Variants in ADCK1 observed in about 807,000 individuals in gnomAD.
The protein encoded by ADCK1 is aarF domain containing kinase 1.
In ADCK1, 41 loss-of-function variants were observed where a neutral mutation model predicts 52.3. That is an observed-to-expected ratio of 0.78 (90% CI 0.61 to 1.02). The LOEUF is 1.02. Among genes scored for constraint, ADCK1 ranks in the 50% least tolerant of loss-of-function variants. ADCK1 has a pLI of 0.00. For synonymous variants in ADCK1, 250 were observed against 274.6 expected, an observed-to-expected ratio of 0.91 and a Z score of 0.89; for missense variants, 658 against 679.5, an observed-to-expected ratio of 0.97 and a Z score of 0.35.
chr14:77,823,154 G>A (rs763843510), intron 3 of ADCK1, among the ~76,000 whole-genome samples: 2 of 152,066 alleles, frequency 1.3e-5, no homozygotes, highest in Admixed American at 6.6e-5. Flanking sequence ...TAGATATCCC[G>A]GAGACTTGGG....
intron 2 of ADCK1, among the ~76,000 whole-genome samples, 174 bp from the exon 3 acceptor site, chr14:77,822,261 A>G (rs965895766): frequency 2.0e-5 from 3 of 152,224 alleles, no homozygotes; most frequent in African/African-American, 7.2e-5. Context: ...AGAGTCCTGA[A>G]TAACAGGAGG....
intron 9 of ADCK1, among the ~76,000 whole-genome samples, chr14:77,927,189 T>G (rs1429255048): frequency 6.6e-6 from 1 of 152,226 alleles, no homozygotes; most frequent in African/African-American, 2.4e-5. Context: ...GATTCTCAAA[T>G]GATGTCATCA....
chr14:77,905,304 G>GTTTTTTTTTTTTGTTTTTTTT (rs2083637200), intron 6 of ADCK1, among the ~76,000 whole-genome samples: 1 of 96,278 alleles, frequency 1.0e-5, no homozygotes, highest in African/African-American at 4.3e-5. Context: ...TTCCTAGCTG[G>GTTTTTTTTTTTTGTTTTTTTT]TTTTTTTTTT....
intron 5 of ADCK1, among the ~76,000 whole-genome samples, chr14:77,896,667 G>T (rs1363572176): frequency 6.6e-6 from 1 of 152,194 alleles, no homozygotes; most frequent in African/African-American, 2.4e-5. Flanking sequence ...ATGTCTGGAG[G>T]CTGCGGTGCC....
chr14:77,921,941 T>G (rs2084071950), intron 7 of ADCK1, among the ~76,000 whole-genome samples: 1 of 152,238 alleles, frequency 6.6e-6, no homozygotes, highest in South Asian at 2.1e-4. Flanking sequence ...CTGCCCAGAC[T>G]AAATGAAATG....
At chr14:77,894,324 G>A (rs974930402) in intron 5 of ADCK1, among the ~76,000 whole-genome samples, 8 of 152,090 alleles carry the variant, frequency 5.3e-5, no homozygotes, top group Admixed American at 1.3e-4. Flanking sequence ...AGTTTGGATC[G>A]GTACAGGCAT....
At chr14:77,847,820 G>A (rs968465133) in intron 3 of ADCK1, among the ~76,000 whole-genome samples, 1 of 152,154 alleles carries the variant, frequency 6.6e-6, no homozygotes, top group African/African-American at 2.4e-5. Context: ...CTATAACGAG[G>A]CCTTCCAGAT....
chr14:77,914,568 C>T, intron 7 of ADCK1: 18 of 985,322 alleles, frequency 1.8e-5, no homozygotes, highest in Non-Finnish European at 2.0e-5. Flanking sequence ...CTGGGTGAGG[C>T]TTTATAGAGG....
rs1488863060 is a variant in ADCK1 at position 77,933,512 on chromosome 14, TG to T, written c.*122del. 3.2e-6 allele frequency: 4 copies of T among 1,255,376 alleles called. No individual in the cohort carries two copies. In the African/African-American group the frequency reaches 5.9e-5, roughly 19 times the overall value. 77.8% of individuals were successfully genotyped at this position (1,255,376 alleles called of 1,614,324 possible). A position where few individuals can be genotyped will look rare whatever the true frequency, so the allele number is the denominator to read the frequency against. On this transcript the variant is annotated 3_prime_UTR_variant, in exon 11 of 11. Transcript: ENST00000238561. ...CCCGCAGCCCCAGAGTCACTGTCCA[TG>T]TCACCATCCTTCTCCTCCTTTGGAA...
At chr14:77,921,765 C>G (rs541119363) in intron 7 of ADCK1, among the ~76,000 whole-genome samples, 28 of 152,266 alleles carry the variant, frequency 1.8e-4, no homozygotes, top group Non-Finnish European at 3.5e-4. Flanking sequence ...CAGCCCCCAC[C>G]CTTCCCAACC....
intron 3 of ADCK1, among the ~76,000 whole-genome samples, chr14:77,846,253 C>T (rs1342322348): frequency 6.6e-6 from 1 of 152,206 alleles, no homozygotes; most frequent in African/African-American, 2.4e-5. Context: ...GGTGCCACCC[C>T]CGTCTTCTCA....
At chr14:77,863,362 G>A (rs1180382996) in intron 4 of ADCK1, among the ~76,000 whole-genome samples, 1 of 152,068 alleles carries the variant, frequency 6.6e-6, no homozygotes, top group Non-Finnish European at 1.5e-5. Context: ...GGTTTGAAGT[G>A]GGTGGGAAGC....
intron 4 of ADCK1, among the ~76,000 whole-genome samples, chr14:77,864,802 G>T (rs2082628806): frequency 6.6e-6 from 1 of 152,204 alleles, no homozygotes; most frequent in Non-Finnish European, 1.5e-5. Context: ...GGCCCAGCAG[G>T]CTGGAGACCC....
intron 5 of ADCK1, among the ~76,000 whole-genome samples, chr14:77,888,923 T>C (rs140219003): frequency 1.1e-3 from 171 of 152,292 alleles, no homozygotes; most frequent in African/African-American, 3.2e-3. Context: ...TCATCTTGAA[T>C]TGTAGCCCCC....
chr14:77,827,829 A>T, intron 3 of ADCK1: 1 of 396,458 alleles, frequency 2.5e-6, no homozygotes, highest in Non-Finnish European at 4.9e-6. Context: ...TTAGTTTTTA[A>T]AAGGCTTTTT....
At chr14:77,827,257 C>G (rs1457027702) in intron 3 of ADCK1, among the ~76,000 whole-genome samples, 1 of 148,082 alleles carries the variant, frequency 6.8e-6, no homozygotes, top group Non-Finnish European at 1.5e-5. Flanking sequence ...GAGGCTGAGG[C>G]AGGAGAACTA....
intron 3 of ADCK1, among the ~76,000 whole-genome samples, chr14:77,852,908 T>TATATA (rs56338375): frequency 3.8e-4 from 9 of 23,530 alleles, no homozygotes; most frequent in Non-Finnish European, 5.1e-4. Flanking sequence ...TATATATATA[T>TATATA]TTTTTTTTTT....
At chr14:77,807,092 G>A (rs1425659126) in intron 1 of ADCK1, among the ~76,000 whole-genome samples, 2 of 80,718 alleles carry the variant, frequency 2.5e-5, no homozygotes, top group African/African-American at 5.7e-5. Flanking sequence ...TTTTTGAGAC[G>A]GAGTCTCGCT....
intron 10 of ADCK1, among the ~76,000 whole-genome samples, chr14:77,932,570 G>T (rs2084366592): frequency 6.6e-6 from 1 of 152,150 alleles, no homozygotes; most frequent in African/African-American, 2.4e-5. Context: ...GGACCATTCT[G>T]GGAACCTATC....
Sources: allele counts gnomAD v4.1 joint callset (sites outside exome capture counted in the v4.1 genomes callset), GRCh38; gene constraint gnomAD v4.1.1; transcripts MANE v1.5; gene names NCBI Gene and HGNC (gene_info 2026-07-23, HGNC 2026-07-21).